The following CHLSN variants were observed in gnomAD, a reference collection of about 807,000 sequenced individuals.
CHLSN encodes the protein cholesin.
At chr7:1,112,332 A>T in the CHLSN span, among the ~76,000 whole-genome samples, 1 of 152,222 alleles carries the variant, frequency 6.6e-6, no homozygotes, top group African/African-American at 2.4e-5. Flanking sequence ...CTTAGAGATG[A>T]GAGAGGCCGG....
At chr7:1,053,709 C>T in the CHLSN span, among the ~76,000 whole-genome samples, 1 of 152,206 alleles carries the variant, frequency 6.6e-6, no homozygotes, top group Non-Finnish European at 1.5e-5. Context: ...CGCCTGTAAT[C>T]CCAGCTATTC....
At chr7:1,093,361 GAGCT>G in the CHLSN span, 1 of 429,520 alleles carries the variant, frequency 2.3e-6, no homozygotes, top group Non-Finnish European at 4.9e-6. Flanking sequence ...CCCACGGTCT[GAGCT>G]AGCTAGCGCA....
the CHLSN span, among the ~76,000 whole-genome samples, chr7:1,002,158 T>C: frequency 1.9e-5 from 2 of 102,882 alleles, no homozygotes; most frequent in African/African-American, 4.0e-5. Flanking sequence ...GTCCTGTGGG[T>C]GAGTGGAGTC....
At chr7:1,099,366 G>A in the CHLSN span, among the ~76,000 whole-genome samples, 4 of 152,376 alleles carry the variant, frequency 2.6e-5, no homozygotes, top group East Asian at 1.9e-4. Context: ...GGTGGGCCAC[G>A]GGGACGCCAG....
At chr7:1,009,218 A>T in the CHLSN span, among the ~76,000 whole-genome samples, 1 of 152,136 alleles carries the variant, frequency 6.6e-6, no homozygotes, top group Non-Finnish European at 1.5e-5. Context: ...GTGCCCCCAC[A>T]GGACACCCTG....
At chr7:1,049,668 C>G in the CHLSN span, among the ~76,000 whole-genome samples, 1 of 152,222 alleles carries the variant, frequency 6.6e-6, no homozygotes, top group Non-Finnish European at 1.5e-5. Context: ...TTCCTATTAG[C>G]AGGCTTACTA....
the CHLSN span, among the ~76,000 whole-genome samples, chr7:1,001,978 G>A: frequency 3.3e-5 from 3 of 89,900 alleles, no homozygotes; most frequent in African/African-American, 4.5e-5. Flanking sequence ...GGTGAGTGGA[G>A]TCCTGTGGGT....
At chr7:1,098,412 T>G in the CHLSN span, among the ~76,000 whole-genome samples, 3 of 152,258 alleles carry the variant, frequency 2.0e-5, no homozygotes, top group South Asian at 6.2e-4. Flanking sequence ...ACGAAATCAA[T>G]CTATCCAACA....
the CHLSN span, among the ~76,000 whole-genome samples, chr7:1,014,738 T>G: frequency 1.3e-5 from 2 of 152,268 alleles, no homozygotes; most frequent in African/African-American, 4.8e-5. Context: ...GTGATGACTG[T>G]GAACACCACA....
chr7:1,121,909 A>T, the CHLSN span, among the ~76,000 whole-genome samples: 1 of 151,720 alleles, frequency 6.6e-6, no homozygotes, highest in Admixed American at 6.6e-5. Context: ...CTGCACTCAC[A>T]CAGGGCAGCG....
At chr7:1,101,004 G>A in the CHLSN span, among the ~76,000 whole-genome samples, 1 of 152,194 alleles carries the variant, frequency 6.6e-6, no homozygotes, top group Admixed American at 6.5e-5. Context: ...GCCCGTCAGG[G>A]AGGCTCACGC....
the CHLSN span, among the ~76,000 whole-genome samples, chr7:988,001 TG>T: frequency 4.5e-3 from 247 of 54,826 alleles, 1 homozygote; most frequent in South Asian, 8.5e-3. Flanking sequence ...CTGTGTGTCC[TG>T]GGGGGTCCCC....
At chr7:1,086,222 T>C in the CHLSN span, among the ~76,000 whole-genome samples, 1 of 152,278 alleles carries the variant, frequency 6.6e-6, no homozygotes, top group African/African-American at 2.4e-5. Context: ...GGGTTTGCAC[T>C]AGCAGGGTGC....
At chr7:1,010,954 G>A in the CHLSN span, among the ~76,000 whole-genome samples, 4 of 152,108 alleles carry the variant, frequency 2.6e-5, no homozygotes, top group South Asian at 2.1e-4. Context: ...AGCGCCCACC[G>A]GGAGCTTCCA....
chr7:1,000,660 G>T, the CHLSN span: 1 of 830,962 alleles, frequency 1.2e-6, no homozygotes, highest in Non-Finnish European at 1.9e-6. Context: ...AGCCCCACCA[G>T]GTACTACACA....
chr7:1,116,370 A>C, the CHLSN span, among the ~76,000 whole-genome samples: 7 of 126,416 alleles, frequency 5.5e-5, no homozygotes, highest in African/African-American at 1.6e-4. Flanking sequence ...AGCTCTAGGG[A>C]CAGCTTCCAT....
chr7:1,091,962 C>T, the CHLSN span: 1 of 1,614,148 alleles, frequency 6.2e-7, no homozygotes, highest in Non-Finnish European at 8.5e-7. Context: ...TGGGCAACAT[C>T]CTGATCCTGG....
the CHLSN span, among the ~76,000 whole-genome samples, chr7:1,008,976 C>G: frequency 6.7e-6 from 1 of 148,674 alleles, no homozygotes; most frequent in Admixed American, 6.8e-5. Context: ...TGCGTGCACA[C>G]ACACCCATGC....
the CHLSN span, chr7:983,268 C>T: frequency 2.3e-5 from 36 of 1,542,796 alleles, no homozygotes; most frequent in Admixed American, 9.8e-5. Context: ...GGCTGCTCTG[C>T]GCCTGCGCCC....
Sources: allele counts gnomAD v4.1 joint callset (sites outside exome capture counted in the v4.1 genomes callset), GRCh38; gene constraint gnomAD v4.1.1; transcripts MANE v1.5; gene names NCBI Gene and HGNC (gene_info 2026-07-23, HGNC 2026-07-21).